Variants in ALS2 observed in about 807,000 individuals in gnomAD.
The protein encoded by ALS2 is alsin Rho guanine nucleotide exchange factor ALS2.
A neutral mutation model predicts 203.4 loss-of-function variants in ALS2; 117 were observed. The observed-to-expected ratio is 0.58, with a 90% CI of 0.50 to 0.67. ALS2 has a LOEUF of 0.67. ALS2 is among the 30% of genes least tolerant of loss of function. ALS2 has a pLI of 0.00. For synonymous variants in ALS2, 718 were observed against 725.9 expected, an observed-to-expected ratio of 0.99 and a Z score of 0.17; for missense variants, 1,715 against 1,989.4, an observed-to-expected ratio of 0.86 and a Z score of 2.62.
At position 201,715,847 on chromosome 2, in the gene ALS2, A is replaced by G. The variant is rs770523821; in HGVS notation, c.3837-8T>C. Reference sequence around the variant, plus strand: ...AGGTTTCCTAGCTTCCTGCTAATAAAGTCATATCAACCTTTTATTAATCAT... The same window carrying G: ...AGGTTTCCTAGCTTCCTGCTAATAAGGTCATATCAACCTTTTATTAATCAT... On this transcript the variant is annotated splice_polypyrimidine_tract_variant and splice_region_variant and intron_variant, in intron 24 of 33. Coordinates refer to ENST00000264276, the MANE Select transcript of ALS2 (RefSeq NM_020919.4). 7.4e-6 allele frequency: 12 copies of G among 1,614,166 alleles called. No homozygotes were observed. In the South Asian group the frequency reaches 9.9e-5, roughly 13 times the overall value.
At chr2:201,732,307 A>G (rs957967903) in intron 13 of ALS2, among the ~76,000 whole-genome samples, 1 of 151,100 alleles carries the variant, frequency 6.6e-6, no homozygotes, top group Non-Finnish European at 1.5e-5. Context: ...TAATCCTAGC[A>G]CTTTCGGAGG....
In ALS2 at chr2:201,701,565, CTCT is replaced by C; in HGVS notation, c.*283_*285del. 6.1e-6 allele frequency: 2 copies of C among 330,418 alleles called. No homozygotes were observed. Among genetic ancestry groups the C allele is most frequent in the Non-Finnish European group, 5.6e-6 (1 of 178,890 alleles). The allele number at this position is 330,418 out of a possible 1,614,324, so 20.5% of individuals were successfully genotyped here. A position where few individuals can be genotyped will look rare whatever the true frequency, so the allele number is the denominator to read the frequency against. ...ACCCTTTACTGTAGGAAGGGATATC[CTCT>C]TCTTTTTTCAAATAGTAGATAAATG... On this transcript the variant is annotated 3_prime_UTR_variant, in exon 34 of 34. Transcript: ENST00000264276.
intron 8 of ALS2, among the ~76,000 whole-genome samples, chr2:201,748,469 C>T (rs1692815702): frequency 6.6e-6 from 1 of 152,108 alleles, no homozygotes; most frequent in Non-Finnish European, 1.5e-5. Flanking sequence ...AAACCAAGCT[C>T]CCAATGATGT....
chr2:201,774,854 T>C (rs1044183621), intron 1 of ALS2, among the ~76,000 whole-genome samples: 1 of 152,174 alleles, frequency 6.6e-6, no homozygotes, highest in Non-Finnish European at 1.5e-5. Flanking sequence ...TTAGTCCTGA[T>C]ATATAACAGG....
chr2:201,756,281 G>A (rs1693379020), intron 5 of ALS2, among the ~76,000 whole-genome samples: 1 of 151,034 alleles, frequency 6.6e-6, no homozygotes, highest in Admixed American at 6.6e-5. Flanking sequence ...AGAGATCATA[G>A]GCCTTCTTAT....
intron 1 of ALS2, among the ~76,000 whole-genome samples, chr2:201,773,454 C>T (rs1694507502): frequency 6.6e-6 from 1 of 152,180 alleles, no homozygotes; most frequent in African/African-American, 2.4e-5. Context: ...CAGAAATGAT[C>T]CCTGGTTCTG....
At chr2:201,718,233 A>G in intron 23 of ALS2, 23 bp from the exon 24 acceptor site, 2 of 1,605,264 alleles carry the variant, frequency 1.2e-6, no homozygotes, top group Non-Finnish European at 1.7e-6. Flanking sequence ...AGAGAATAAA[A>G]TGTGGGGTTA....
chr2:201,761,634 A>G lies in ALS2; in HGVS notation c.360T>C (p.Ala120=). The G allele has an allele frequency of 6.2e-7, 1 of 1,614,198 alleles. No homozygotes were observed. The highest frequency in any genetic ancestry group is 1.1e-5 in the South Asian group (1 of 91,086). The change falls in exon 4 of 34, where the codon GCT becomes GCC. Residue 120 remains alanine (A), a synonymous_variant. Coordinates refer to ENST00000264276, the MANE Select transcript of ALS2 (RefSeq NM_020919.4). The stretch of plus-strand genomic sequence containing the variant: ...GCTGGTTGGCTACTGCACACTGGCC[A>G]GCAGAATTCTCTCCCCACATGTACG... ...GVAYMWGENS[A]GQCAVANQQY...
chr2:201,708,353 A>T (rs1284945746), intron 27 of ALS2, among the ~76,000 whole-genome samples: 2 of 152,238 alleles, frequency 1.3e-5, no homozygotes, highest in African/African-American at 4.8e-5. Context: ...TAAGTGTCCA[A>T]CATTAAGGGA....
intron 14 of ALS2, 108 bp downstream of exon 14, chr2:201,728,944 T>C (rs1691366948): frequency 6.4e-7 from 1 of 1,557,044 alleles, no homozygotes; most frequent in Non-Finnish European, 8.9e-7. Flanking sequence ...AAAGGGGTCA[T>C]TAAAAGGTTA....
In ALS2 at chr2:201,711,112, T is replaced by C. The variant is rs1415193126; in HGVS notation, c.4005-4A>G. 3.9e-6 allele frequency: 6 copies of C among 1,539,842 alleles called. No individual in the cohort carries two copies. Among genetic ancestry groups the C allele is most frequent in the East Asian group, 2.3e-5 (1 of 44,374 alleles). On this transcript the variant is annotated splice_polypyrimidine_tract_variant and splice_region_variant and intron_variant, in intron 25 of 33. Coordinates refer to ENST00000264276, the MANE Select transcript of ALS2 (RefSeq NM_020919.4). ...TGAACGACTCAGTATTTCTGGACTATAAAAAGGGAAAGAAAAGTCTGTTGT... is the reference window on the plus strand; with the variant it reads ...TGAACGACTCAGTATTTCTGGACTACAAAAAGGGAAAGAAAAGTCTGTTGT...
intron 20 of ALS2, among the ~76,000 whole-genome samples, chr2:201,724,999 C>G (rs576658289): frequency 6.6e-6 from 1 of 151,594 alleles, no homozygotes; most frequent in Non-Finnish European, 1.5e-5. Flanking sequence ...TGGAGTCCCA[C>G]CTACTCGGGA....
chr2:201,743,084 A>G (rs1692392772), intron 10 of ALS2, among the ~76,000 whole-genome samples: 1 of 151,424 alleles, frequency 6.6e-6, no homozygotes, highest in Admixed American at 6.6e-5. Context: ...AAAAAAAAAA[A>G]AAGAAAGAAA....
At chr2:201,755,106 A>G (rs755173596) in intron 5 of ALS2, among the ~76,000 whole-genome samples, 1 of 152,202 alleles carries the variant, frequency 6.6e-6, no homozygotes, top group Non-Finnish European at 1.5e-5. Flanking sequence ...TTTGAAAACA[A>G]AAATTAACGA....
chr2:201,737,767 C>G (rs1263231916), intron 12 of ALS2, among the ~76,000 whole-genome samples: 2 of 152,008 alleles, frequency 1.3e-5, no homozygotes, highest in African/African-American at 4.8e-5. Context: ...ACTAAAAGTA[C>G]AAAAATTAGT....
At chr2:201,754,757 A>G (rs1213983931) in intron 5 of ALS2, 86 bp from the exon 6 acceptor site, 3 of 1,417,714 alleles carry the variant, frequency 2.1e-6, no homozygotes, top group East Asian at 4.6e-5. Context: ...AGATTTTCAA[A>G]AACATACGCC....
chr2:201,762,922 C>A, intron 3 of ALS2: 1 of 156,820 alleles, frequency 6.4e-6, no homozygotes, highest in South Asian at 1.8e-4. Context: ...GCTGCCTGGT[C>A]AAAGACACGA....
intron 25 of ALS2, among the ~76,000 whole-genome samples, chr2:201,714,596 A>G (rs2105979738): frequency 6.6e-6 from 1 of 152,310 alleles, no homozygotes; most frequent in East Asian, 1.9e-4. Flanking sequence ...GAATTCTTCC[A>G]GCAAATCACT....
Position 201,728,251 on chromosome 2 carries a change from C to G in ALS2, c.2841+261G>C, listed in dbSNP as rs11693071. On this transcript the variant is annotated intron_variant, in intron 15 of 33. Coordinates refer to ENST00000264276, the MANE Select transcript of ALS2 (RefSeq NM_020919.4). ...CTAATGCTATCCCTCCCTCCTCCCC[C>G]GACCCCACGACAGGCCCCGGTGTGT... Among the ~76,000 whole-genome samples the G allele has an allele frequency of 1.1e-4, 17 of 152,138 alleles. No homozygotes were observed. The South Asian group carries it at 2.1e-3, about 19-fold the overall frequency.
Sources: gnomAD v4.1 joint callset for allele counts (sites outside exome capture counted in the v4.1 genomes callset) on GRCh38, gnomAD v4.1.1 for gene constraint, MANE v1.5 for transcripts, NCBI Gene and HGNC (gene_info 2026-07-23, HGNC 2026-07-21) for gene names.